ADAM32: variants seen among roughly 807,000 people sequenced by gnomAD.
The protein encoded by ADAM32 is ADAM metallopeptidase domain 32, also known as disintegrin and metalloproteinase domain-containing protein 32.
ADAM32 carries 89 observed loss-of-function variants against 114.9 expected under a neutral mutation model. That is an observed-to-expected ratio of 0.77 (90% confidence interval 0.65 to 0.92). ADAM32 has a LOEUF of 0.92. Ranked by LOEUF, ADAM32 falls within the 40% of genes least tolerant of loss-of-function variation. The pLI is 0.00. For missense variants in ADAM32, 870 were observed against 932.8 expected (o/e 0.93, Z 0.88); for synonymous variants, 285 against 307.5 (o/e 0.93, Z 0.77).
intron 3 of ADAM32, among the ~76,000 whole-genome samples, chr8:39,143,330 C>G (rs1393242243): frequency 6.6e-6 from 1 of 152,182 alleles, no homozygotes. Context: ...TCTGGTTTCT[C>G]CCCATCTTTG....
At chr8:39,155,246 G>T (rs1008239832) in intron 6 of ADAM32, among the ~76,000 whole-genome samples, 3 of 152,194 alleles carry the variant, frequency 2.0e-5, no homozygotes, top group African/African-American at 7.2e-5. Context: ...ACAAGAGAAA[G>T]AAATAAAGGA....
chr8:39,259,728 A>G (rs1811898017), intron 19 of ADAM32, among the ~76,000 whole-genome samples: 1 of 152,100 alleles, frequency 6.6e-6, no homozygotes, highest in Admixed American at 6.5e-5. Flanking sequence ...TCCCAGTCTT[A>G]CTCACCATTC....
chr8:39,252,242 C>T (rs1158179114), intron 17 of ADAM32, among the ~76,000 whole-genome samples: 1 of 151,556 alleles, frequency 6.6e-6, no homozygotes, highest in African/African-American at 2.4e-5. Context: ...ACTGACATCA[C>T]TCCAAGTGTA....
intron 2 of ADAM32, among the ~76,000 whole-genome samples, chr8:39,126,376 T>C (rs767564868): frequency 3.3e-5 from 5 of 152,210 alleles, no homozygotes; most frequent in Non-Finnish European, 7.3e-5. Context: ...TAGTTCTCCT[T>C]GAAGAGGTCC....
rs980042597 is a variant in ADAM32 at position 39,245,926 on chromosome 8, A to C, written c.1819-157A>C. ...ACAAATGTCTTTTCTTGCAAAAAAA[A>C]TAAAACACCCTTCTGGAATGCAGCA... On this transcript the variant is annotated intron_variant, in intron 16 of 24. Transcript: ENST00000379907. Among the ~76,000 whole-genome samples the C allele has an allele frequency of 3.3e-5, 5 of 152,228 alleles. 1 individual carries two copies. In the South Asian group the frequency reaches 8.3e-4, roughly 25 times the overall value.
chr8:39,151,319 G>A, intron 5 of ADAM32, 58 bp from the exon 6 acceptor site: 1 of 1,369,974 alleles, frequency 7.3e-7, no homozygotes, highest in Non-Finnish European at 9.7e-7. Context: ...GATTTTGTCA[G>A]AAATTCATTA....
intron 13 of ADAM32, among the ~76,000 whole-genome samples, chr8:39,222,513 G>T (rs961129862): frequency 1.4e-4 from 22 of 151,946 alleles, no homozygotes; most frequent in African/African-American, 5.3e-4. Context: ...AAGAGTCTAC[G>T]TATTTCCATG....
In ADAM32 at chr8:39,136,706, A is replaced by C. The variant is rs1486333430; in HGVS notation, c.188A>C (p.His63Pro). ...IPIDEKLYTV[H>P]LKQRYFLADN... ...ATAGATGAGAAACTGTACACTGTGC[A>C]CCTTAAACAAAGGTAAATTTTTATT... is the stretch of plus-strand genomic sequence containing the variant. The change falls in exon 3 of 25, where the codon CAC becomes CCC. Residue 63 changes from histidine (H) to proline (P), a missense_variant. His to Pro is a moderately conservative substitution (Grantham distance 77). Transcript: ENST00000379907. 6.6e-7 allele frequency: 1 copy of C among 1,525,226 alleles called. No homozygotes were observed. Among genetic ancestry groups the C allele is most frequent in the Non-Finnish European group, 8.8e-7 (1 of 1,130,556 alleles). 94.5% of individuals were successfully genotyped at this position (1,525,226 alleles called of 1,614,324 possible).
chr8:39,200,631 G>C (rs1052707621), intron 11 of ADAM32, among the ~76,000 whole-genome samples: 5 of 152,166 alleles, frequency 3.3e-5, no homozygotes, highest in African/African-American at 1.2e-4. Flanking sequence ...AGTTTAATTA[G>C]ATCCCATTTG....
chr8:39,283,725 A>G, intron 24 of ADAM32, 101 bp downstream of exon 24: 1 of 899,282 alleles, frequency 1.1e-6, no homozygotes, highest in Non-Finnish European at 1.7e-6. Flanking sequence ...TGGGTAGATG[A>G]ATTGGTAAAG....
intron 18 of ADAM32, among the ~76,000 whole-genome samples, chr8:39,255,219 A>G (rs1206810378): frequency 6.6e-6 from 1 of 151,784 alleles, no homozygotes; most frequent in East Asian, 1.9e-4. Flanking sequence ...ACTTTTATAT[A>G]ATGACTTCCT....
intron 17 of ADAM32, among the ~76,000 whole-genome samples, chr8:39,253,873 C>T (rs2129450475): frequency 6.6e-6 from 1 of 151,448 alleles, no homozygotes; most frequent in South Asian, 2.1e-4. Context: ...TTATCAGAAT[C>T]TCCATGTTAT....
chr8:39,129,926 T>G (rs1015067798), intron 2 of ADAM32: 1 of 401,698 alleles, frequency 2.5e-6, no homozygotes, highest in Non-Finnish European at 4.9e-6. Flanking sequence ...TTATCCAATA[T>G]GTTGGCATAA....
At chr8:39,128,559 A>C (rs771938397) in intron 2 of ADAM32, among the ~76,000 whole-genome samples, 16 of 152,194 alleles carry the variant, frequency 1.1e-4, no homozygotes, top group Non-Finnish European at 2.2e-4. Flanking sequence ...TCCTGTCATC[A>C]TGATGCTAGC....
intron 19 of ADAM32, among the ~76,000 whole-genome samples, chr8:39,267,604 T>TC (rs1812448359): frequency 6.6e-6 from 1 of 152,200 alleles, no homozygotes; most frequent in African/African-American, 2.4e-5. Flanking sequence ...ACAAAGGATC[T>TC]CTCAGCAAGG....
chr8:39,248,755 C>T (rs1017779007), intron 17 of ADAM32, among the ~76,000 whole-genome samples: 12 of 152,032 alleles, frequency 7.9e-5, no homozygotes, highest in Non-Finnish European at 1.5e-5. Flanking sequence ...TTGCATTGCT[C>T]CTTATCTTAC....
chr8:39,268,086 A>G (rs1221996785), intron 19 of ADAM32, among the ~76,000 whole-genome samples: 1 of 152,244 alleles, frequency 6.6e-6, no homozygotes, highest in Non-Finnish European at 1.5e-5. Flanking sequence ...CTATGTGAAT[A>G]TATGCTTTCC....
chr8:39,256,990 C>T (rs1230051859), intron 18 of ADAM32, among the ~76,000 whole-genome samples, 197 bp from the exon 19 acceptor site: 6 of 151,952 alleles, frequency 3.9e-5, no homozygotes, highest in Admixed American at 3.3e-4. Flanking sequence ...CTTTCCAAAA[C>T]TTGGTTTCCA....
At chr8:39,221,734 T>C in intron 13 of ADAM32, 32 bp downstream of exon 13, 2 of 1,523,430 alleles carry the variant, frequency 1.3e-6, no homozygotes, top group African/African-American at 1.4e-5. Flanking sequence ...ATCTTTCAAA[T>C]ATATAACAAA....
Sources: gnomAD v4.1 joint callset for allele counts (sites outside exome capture counted in the v4.1 genomes callset) on GRCh38, gnomAD v4.1.1 for gene constraint, MANE v1.5 for transcripts, NCBI Gene and HGNC (gene_info 2026-07-23, HGNC 2026-07-21) for gene names.